Variants in EIF2AK3 observed in about 807,000 individuals in gnomAD.
The protein encoded by EIF2AK3 is eukaryotic translation initiation factor 2-alpha kinase 3.
In EIF2AK3, 50 loss-of-function variants were observed where a neutral mutation model predicts 113.5. The ratio of observed to expected loss-of-function variants is 0.44; its 90% CI spans 0.35 to 0.56. The LOEUF (loss-of-function observed/expected upper bound fraction) is 0.56. Among genes scored for constraint, EIF2AK3 ranks in the 20% least tolerant of loss-of-function variants. The pLI is 0.00. For missense variants in EIF2AK3, 1,185 were observed against 1,378.0 expected (o/e 0.86, Z 2.22); for synonymous variants, 448 against 495.4 (o/e 0.90, Z 1.27).
chr2:88,627,002 T>G lies in EIF2AK3; in HGVS notation c.273A>C (p.Glu91Asp), dbSNP rs770154991. 1 of 1,608,862 alleles carries G rather than the reference T, an allele frequency of 6.2e-7. No homozygotes were observed. The highest frequency in any genetic ancestry group is 2.2e-5 in the East Asian group (1 of 44,766). ...GTCGCAACTCTGTCTCATCGTCTGG[T>G]TCCGGACCCCGAGGCTCCTGCTCTC... ...AAGEQEPRGP[E>D]PDDETELRPR... is the part of the protein sequence containing the mutation. Residue 91 changes from glutamate (E) to aspartate (D), a missense_variant, in exon 1 of 17, where the codon GAA becomes GAC. By Grantham distance (45) the Glu-to-Asp change is conservative (BLOSUM62 2). Around this residue, in one of 3 missense-constraint regions of EIF2AK3, gnomAD observed 189 missense variants for 175.2 expected, o/e 1.08. Transcript: ENST00000303236.
intron 9 of EIF2AK3, among the ~76,000 whole-genome samples, chr2:88,583,923 CAAT>C (rs1674655557): frequency 6.6e-6 from 1 of 152,044 alleles, no homozygotes; most frequent in African/African-American, 2.4e-5. Flanking sequence ...AACCCAGTAA[CAAT>C]AACAACAACA....
rs181358113 is a variant in EIF2AK3, at chr2:88,585,742, T to C, written c.1650+99A>G. 7.2e-4 allele frequency: 833 copies of C among 1,157,592 alleles called. 6 individuals carry two copies. The highest frequency in any genetic ancestry group is 6.9e-3 in the South Asian group (457 of 66,078). 71.7% of individuals were successfully genotyped at this position (1,157,592 alleles called of 1,614,324 possible). The stretch of plus-strand genomic sequence containing the variant: ...CTGAGAACTTTGGCAAGAGTAGCTT[T>C]GGTGGAGCAGTAGGGATGGAAGCCA... On this transcript the variant is annotated intron_variant, in intron 9 of 16. Transcript: ENST00000303236.
chr2:88,603,086 G>T (rs946782532), intron 2 of EIF2AK3, among the ~76,000 whole-genome samples: 3 of 152,058 alleles, frequency 2.0e-5, no homozygotes, highest in African/African-American at 7.2e-5. Context: ...GCAAACCAAG[G>T]TGATGGGGCA....
rs777171158 is a variant in EIF2AK3, at chr2:88,575,197, C to T, written c.2286G>A (p.Gln762=). Residue 762 remains glutamine (Q), a synonymous_variant, in exon 13 of 17, where the codon CAG becomes CAA. Transcript: ENST00000303236. ...CATCACAGTCTGTAAGGCAACTGTC[C>T]TGGAGGTTGTATGCTGCATCCACTG... ...SESVDAAYNL[Q]DSCLTDCDVE... is the part of the protein sequence containing the mutation. The T allele has an allele frequency of 1.2e-6, 2 of 1,613,008 alleles. No homozygotes were observed. Among genetic ancestry groups the T allele is most frequent in the Non-Finnish European group, 1.7e-6 (2 of 1,179,262 alleles).
At chr2:88,565,789 A>G (rs1393038205) in intron 14 of EIF2AK3, among the ~76,000 whole-genome samples, 2 of 152,194 alleles carry the variant, frequency 1.3e-5, no homozygotes, top group African/African-American at 4.8e-5. Flanking sequence ...TTTCCTATAG[A>G]TAGAAATATG....
At chr2:88,614,837 C>T (rs1675533931) in intron 1 of EIF2AK3, among the ~76,000 whole-genome samples, 1 of 152,194 alleles carries the variant, frequency 6.6e-6, no homozygotes, top group African/African-American at 2.4e-5. Flanking sequence ...CAATCTTCTC[C>T]CCTTTCTCAC....
chr2:88,596,521 G>T (rs1378047782), intron 2 of EIF2AK3, among the ~76,000 whole-genome samples: 6 of 152,142 alleles, frequency 3.9e-5, no homozygotes, highest in Non-Finnish European at 8.8e-5. Flanking sequence ...CGCATGGGGT[G>T]GAGAGGGGAT....
rs145435542 is a variant in EIF2AK3 at position 88,577,273 on chromosome 2, G to A, written c.1887-570C>T. Among the ~76,000 whole-genome samples the A allele has an allele frequency of 2.4e-3, 359 of 151,924 alleles. 1 individual carries two copies. The highest frequency in any genetic ancestry group is 8.1e-3 in the African/African-American group (336 of 41,480). On this transcript the variant is annotated intron_variant, in intron 11 of 16. Coordinates refer to ENST00000303236, the MANE Select transcript of EIF2AK3 (RefSeq NM_004836.7). ...GCTGGGATTACAAGTGTGAGCCACC[G>A]TGCCCGGCTAGCCTAGGGTATACTT...
intron 14 of EIF2AK3, among the ~76,000 whole-genome samples, chr2:88,562,843 T>C (rs1573383067): frequency 6.6e-6 from 1 of 152,244 alleles, no homozygotes; most frequent in Non-Finnish European, 1.5e-5. Flanking sequence ...TTAGCCTTCA[T>C]TAGGGCACTT....
In EIF2AK3 at chr2:88,574,928, G is replaced by A. The variant is rs150135027; in HGVS notation, c.2555C>T (p.Thr852Ile). Residue 852 changes from threonine to isoleucine, a missense_variant, in exon 13 of 17, where the codon ACA (threonine) becomes ATA (isoleucine). Around this residue, in one of 3 missense-constraint regions of EIF2AK3, gnomAD observed 877 missense variants for 1,024.2 expected, o/e 0.86. Transcript: ENST00000303236. ...PTSSKSSSEA[T>I]LSISPPRPTT... ...TGGTCTTGGAGGAGAAATAGACAAT[G>A]TAGCTTCAGAAGAAGATTTGCTACT... The A allele has an allele frequency of 1.9e-6, 3 of 1,614,096 alleles. No homozygotes were observed. Among genetic ancestry groups the A allele is most frequent in the African/African-American group, 2.7e-5 (2 of 74,930 alleles).
chr2:88,564,483 T>C (rs1051800545), intron 14 of EIF2AK3, among the ~76,000 whole-genome samples: 2 of 152,216 alleles, frequency 1.3e-5, no homozygotes, highest in Admixed American at 1.3e-4. Context: ...TCTAGTATTT[T>C]CAACAATACG....
At chr2:88,558,878 A>T (rs543627465) in intron 16 of EIF2AK3, 39 bp downstream of exon 16, 1 of 1,497,554 alleles carries the variant, frequency 6.7e-7, no homozygotes, top group South Asian at 1.1e-5. Flanking sequence ...CGTTCTAAAG[A>T]TGATTCTAAA....
At position 88,588,099 on chromosome 2, in the gene EIF2AK3, G is replaced by A; in HGVS notation, c.1312C>T (p.Pro438Ser). Residue 438 changes from proline to serine, a missense_variant, in exon 8 of 17, where the codon CCT becomes TCT. By Grantham distance (74) the Pro-to-Ser change is moderately conservative. This residue lies in a region of EIF2AK3 where 877 missense variants were observed against 1,024.2 expected (regional missense o/e 0.86). Transcript: ENST00000303236. ...CCTACCAAGACAGGAGTTCTGGAAG[G>A]AGAATCTAAAAGAAAATTATTATTT... ...TIKWKPLIHSPSRTPVLVGSD... is the reference protein window; with the variant it reads ...TIKWKPLIHSSSRTPVLVGSD... The A allele has an allele frequency of 2.7e-6, 4 of 1,475,664 alleles. No homozygotes were observed. The highest frequency in any genetic ancestry group is 2.5e-5 in the South Asian group (2 of 80,894). The allele number at this position is 1,475,664 out of a possible 1,614,324, so 91.4% of individuals were successfully genotyped here.
At chr2:88,567,398 A>T (rs1041334353) in intron 14 of EIF2AK3, among the ~76,000 whole-genome samples, 5 of 152,120 alleles carry the variant, frequency 3.3e-5, no homozygotes, top group African/African-American at 9.7e-5. Flanking sequence ...ATATTGTTTT[A>T]TTATTCTATT....
chr2:88,610,646 T>A (rs1003698064), intron 2 of EIF2AK3, among the ~76,000 whole-genome samples: 8 of 152,238 alleles, frequency 5.3e-5, no homozygotes, highest in Non-Finnish European at 1.2e-4. Flanking sequence ...AAATGTAAAA[T>A]GCTACTTTTC....
At chr2:88,602,675 A>T (rs147598423) in intron 2 of EIF2AK3, among the ~76,000 whole-genome samples, 116 of 152,246 alleles carry the variant, frequency 7.6e-4, no homozygotes, top group African/African-American at 2.7e-3. Context: ...AAAAGATACA[A>T]CTCATTAAGA....
rs757158574 is a variant in EIF2AK3, at chr2:88,590,422, A to T, written c.1165+21T>A. On this transcript the variant is annotated intron_variant, in intron 6 of 16. Coordinates refer to ENST00000303236, the MANE Select transcript of EIF2AK3 (RefSeq NM_004836.7). ...CTAGATGTCAATGTGTACTATCGTT[A>T]GATAAGATACATTTACTCACCCAAG... The T allele has an allele frequency of 3.7e-6, 6 of 1,612,624 alleles. No individual in the cohort carries two copies. In the East Asian group the frequency reaches 1.3e-4, roughly 36 times the overall value.
At chr2:88,573,076 G>A (rs946011714) in intron 13 of EIF2AK3, among the ~76,000 whole-genome samples, 10 of 149,860 alleles carry the variant, frequency 6.7e-5, no homozygotes, top group Admixed American at 3.3e-4. Flanking sequence ...GTAGCAAAAT[G>A]TACAGCTTTT....
intron 16 of EIF2AK3, 110 bp downstream of exon 16, chr2:88,558,807 G>A: frequency 1.1e-6 from 1 of 871,286 alleles, no homozygotes; most frequent in East Asian, 2.7e-5. Context: ...TTCCTCTCTA[G>A]ACCTTTGGCT....
Sources: gnomAD v4.1 joint callset for allele counts (sites outside exome capture counted in the v4.1 genomes callset) on GRCh38, gnomAD v4.1.1 for gene constraint, gnomAD v4.1.1 regional missense constraint, MANE v1.5 for transcripts, NCBI Gene and HGNC (gene_info 2026-07-23, HGNC 2026-07-21) for gene names.